VEZT: variants seen among roughly 807,000 people sequenced by gnomAD.
VEZT encodes the protein vezatin, adherens junctions transmembrane protein.
In VEZT, 39 loss-of-function variants were observed where a neutral mutation model predicts 79.9. The observed-to-expected ratio is 0.49, with a 90% CI of 0.38 to 0.64. The LOEUF (loss-of-function observed/expected upper bound fraction) is 0.64, where lower values mean the gene tolerates loss of function less well. Among genes scored for constraint, VEZT ranks in the 30% least tolerant of loss-of-function variants. The pLI, the probability that VEZT is intolerant of heterozygous loss-of-function variation, is 0.00. For missense variants in VEZT, 837 were observed against 893.1 expected (o/e 0.94, Z 0.80); for synonymous variants, 325 against 327.6 (o/e 0.99, Z 0.09).
chr12:95,243,542 A>T (rs967959883), intron 1 of VEZT, among the ~76,000 whole-genome samples: 8 of 152,292 alleles, frequency 5.3e-5, no homozygotes, highest in Non-Finnish European at 1.2e-4. Context: ...AAATAAATAA[A>T]TAAAAATAAA....
At chr12:95,239,104 T>C (rs1222941968) in intron 1 of VEZT, among the ~76,000 whole-genome samples, 1 of 152,236 alleles carries the variant, frequency 6.6e-6, no homozygotes, top group Non-Finnish European at 1.5e-5. Flanking sequence ...ATGAGCTAAA[T>C]ATTTATTACC....
intron 11 of VEZT, chr12:95,299,300 A>G (rs1228253085): frequency 1.3e-5 from 2 of 154,678 alleles, no homozygotes; most frequent in Non-Finnish European, 2.9e-5. Context: ...TTCATACTAT[A>G]TTGTATTGTA....
chr12:95,247,804 T>A (rs1182765237), intron 1 of VEZT, among the ~76,000 whole-genome samples: 5 of 152,188 alleles, frequency 3.3e-5, no homozygotes, highest in Non-Finnish European at 4.4e-5. Context: ...AATGTAAGCA[T>A]AATGAATAGA....
rs1035048049 is a variant in VEZT, at chr12:95,294,379, G to A, written c.1623+7G>A. 7.0e-6 allele frequency: 11 copies of A among 1,563,070 alleles called. No homozygotes were observed. The highest frequency in any genetic ancestry group is 1.2e-5 in the South Asian group (1 of 84,720). ...TCCAATCCCAGAGGAGCAGGTAAGG[G>A]TGAAAATTACTGTTCTTTCCCTTGT... On this transcript the variant is annotated splice_region_variant and intron_variant, in intron 10 of 11. Transcript: ENST00000436874.
At position 95,296,070 on chromosome 12, in the gene VEZT, A is replaced by G; in HGVS notation, c.1643A>G (p.Asp548Gly). Residue 548 changes from aspartate (D) to glycine (G), a missense_variant, in exon 11 of 12, where the codon GAT becomes GGT. Transcript: ENST00000436874. The stretch of plus-strand genomic sequence containing the variant: ...TTTCAGGAATTAGAAGCTTATGTAG[A>G]TGATATAGATATTGATAGTGATTTC... ...PEEQELEAYV[D>G]DIDIDSDFRK... is the part of the protein sequence containing the mutation. 6.4e-7 allele frequency: 1 copy of G among 1,552,340 alleles called. No homozygotes were observed. The highest frequency in any genetic ancestry group is 8.7e-7 in the Non-Finnish European group (1 of 1,147,204).
At chr12:95,252,986 A>T (rs1237442318) in intron 2 of VEZT, among the ~76,000 whole-genome samples, 1 of 151,856 alleles carries the variant, frequency 6.6e-6, no homozygotes, top group African/African-American at 2.4e-5. Context: ...AAATAAATTT[A>T]CTCTATTTTT....
chr12:95,250,753 T>TC (rs1024000893), intron 1 of VEZT, among the ~76,000 whole-genome samples: 8 of 151,530 alleles, frequency 5.3e-5, no homozygotes, highest in African/African-American at 1.9e-4. Context: ...GGTGATTTTT[T>TC]TTTTTTTTTG....
At chr12:95,257,263 A>G (rs2063614083) in intron 3 of VEZT, 24 bp downstream of exon 3, 1 of 1,546,146 alleles carries the variant, frequency 6.5e-7, no homozygotes, top group Non-Finnish European at 8.8e-7. Context: ...TCTTTTTGCC[A>G]CTTTTCAGGG....
At chr12:95,286,721 G>A in intron 8 of VEZT, 1 of 361,202 alleles carries the variant, frequency 2.8e-6, no homozygotes, top group Non-Finnish European at 5.5e-6. Flanking sequence ...CCCATTCCCT[G>A]CGTGTCTATC....
intron 2 of VEZT, 92 bp from the exon 3 acceptor site, chr12:95,257,058 A>T: frequency 9.9e-7 from 1 of 1,006,250 alleles, no homozygotes; most frequent in Non-Finnish European, 1.4e-6. Context: ...TCTGATATAA[A>T]TTCTCATTGA....
intron 1 of VEZT, among the ~76,000 whole-genome samples, chr12:95,247,432 T>A (rs920206795): frequency 6.6e-6 from 1 of 152,184 alleles, no homozygotes; most frequent in African/African-American, 2.4e-5. Context: ...AATAAAGAGA[T>A]TTGCAAAAAG....
intron 7 of VEZT, among the ~76,000 whole-genome samples, chr12:95,275,577 CA>C (rs71078694): frequency 0.5 from 71,556 of 142,540 alleles, 17,273 homozygotes; most frequent in African/African-American, 0.58. Flanking sequence ...AACTCCATCT[CA>C]AAAAAAAAAA....
intron 2 of VEZT, among the ~76,000 whole-genome samples, chr12:95,253,963 GT>G (rs2063035942): frequency 6.6e-6 from 1 of 151,940 alleles, no homozygotes; most frequent in African/African-American, 2.4e-5. Flanking sequence ...TAGAAAGTTT[GT>G]TTTGTCTTCA....
chr12:95,235,665 G>T (rs1195299724), intron 1 of VEZT, among the ~76,000 whole-genome samples: 2 of 147,262 alleles, frequency 1.4e-5, no homozygotes, highest in Non-Finnish European at 3.0e-5. Context: ...GGCCGGGCGG[G>T]GGGCTGACCC....
intron 1 of VEZT, among the ~76,000 whole-genome samples, chr12:95,225,558 A>G (rs972750632): frequency 4.0e-5 from 6 of 151,298 alleles, no homozygotes; most frequent in Admixed American, 3.9e-4. Flanking sequence ...CTCTGTCTCA[A>G]ACAAAACAAA....
intron 2 of VEZT, 64 bp downstream of exon 2, chr12:95,252,135 A>G: frequency 3.9e-6 from 6 of 1,531,458 alleles, no homozygotes; most frequent in Non-Finnish European, 5.3e-6. Context: ...GGCTATTCAG[A>G]TACTTCTTAA....
At position 95,257,239 on chromosome 12, in the gene VEZT, G is replaced by GGTAA. The variant is rs2063610903; in HGVS notation, c.258+3_258+6dup. ...AGAAAGATGACTTACTTCACAAGTT[G>GGTAA]GTAAGTGGTCACTTCTTTTTGCCAC... is the stretch of plus-strand genomic sequence containing the variant. On this transcript the variant is annotated frameshift_variant and splice_region_variant. Transcript: ENST00000436874. LOFTEE classifies it high-confidence loss of function. 2.5e-6 allele frequency: 4 copies of GGTAA among 1,602,238 alleles called. No individual in the cohort carries two copies. In the African/African-American group the frequency reaches 5.4e-5, roughly 21 times the overall value.
At position 95,294,348 on chromosome 12, in the gene VEZT, C is replaced by A. The variant is rs1249090889; in HGVS notation, c.1599C>A (p.Asp533Glu). 4 of 1,584,900 alleles carry A rather than the reference C, an allele frequency of 2.5e-6. No homozygotes were observed. The highest frequency in any genetic ancestry group is 3.4e-6 in the Non-Finnish European group (4 of 1,164,832). ...PLKQPTLHIA[D>E]KDPIPEEQEL... ...AGCAGCCTACTCTACACATTGCAGA[C>A]AAAGATCCAATCCCAGAGGAGCAGG... Residue 533 changes from aspartate to glutamate, a missense_variant, in exon 10 of 12, where the codon GAC (aspartate) becomes GAA (glutamate). Coordinates refer to ENST00000436874, the MANE Select transcript of VEZT (RefSeq NM_017599.4).
intron 1 of VEZT, among the ~76,000 whole-genome samples, chr12:95,229,822 G>A (rs2058986423): frequency 6.6e-6 from 1 of 152,104 alleles, no homozygotes; most frequent in African/African-American, 2.4e-5. Flanking sequence ...AGATGTGGTG[G>A]CTCATGCCTG....
Sources: allele counts gnomAD v4.1 joint callset (sites outside exome capture counted in the v4.1 genomes callset), GRCh38; gene constraint gnomAD v4.1.1; transcripts MANE v1.5; gene names NCBI Gene and HGNC (gene_info 2026-07-23, HGNC 2026-07-21).